The following DLEU7 variants were observed in gnomAD, a reference collection of about 807,000 sequenced individuals.
DLEU7 encodes the protein deleted in lymphocytic leukemia 7.
In DLEU7, 17 loss-of-function variants were observed where a neutral mutation model predicts 16.0. The observed-to-expected ratio is 1.06, with a 90% CI of 0.73 to 1.59. The LOEUF (loss-of-function observed/expected upper bound fraction) is 1.59. DLEU7 is among the 40% of genes most tolerant of loss of function. The probability of loss-of-function intolerance (pLI) is 0.00; values close to 1 mark genes in which losing one functional copy is unlikely to be tolerated. For synonymous variants in DLEU7, 113 were observed against 139.8 expected, an observed-to-expected ratio of 0.81 and a Z score of 1.35; for missense variants, 308 against 314.9, an observed-to-expected ratio of 0.98 and a Z score of 0.17.
Position 50,843,518 on chromosome 13 carries a change from TGGGTCCCGC to T in DLEU7, c.120_128del (p.Arg41_Pro43del). 7.0e-7 allele frequency: 1 copy of T among 1,422,344 alleles called. No homozygotes were observed. Among genetic ancestry groups the T allele is most frequent in the Non-Finnish European group, 9.1e-7 (1 of 1,098,892 alleles). 88.1% of individuals were successfully genotyped at this position (1,422,344 alleles called of 1,614,324 possible). A position where few individuals can be genotyped will look rare whatever the true frequency, so the allele number is the denominator to read the frequency against. On this transcript the variant is annotated inframe_deletion, in exon 1 of 2. Coordinates refer to ENST00000504404, the MANE Select transcript of DLEU7 (RefSeq NM_001306135.2). This position sits in a 1 kb window ranked among gnomAD's most constrained non-coding sequence, Gnocchi z 5.7. ...GGGCTGGAGCGGTGGACACGTGGTC[TGGGTCCCGC>T]GGGTTCCCGGGGGCGACTGGACCGT... is the stretch of plus-strand genomic sequence containing the variant.
At chr13:50,743,837 A>G (rs1230401784) in intron 1 of DLEU7, among the ~76,000 whole-genome samples, 1 of 152,178 alleles carries the variant, frequency 6.6e-6, no homozygotes, top group Non-Finnish European at 1.5e-5. Context: ...TACAAAAATC[A>G]ATAAAGTTTC....
intron 1 of DLEU7, among the ~76,000 whole-genome samples, chr13:50,773,814 A>T (rs1466648895): frequency 1.3e-5 from 2 of 152,252 alleles, no homozygotes; most frequent in Non-Finnish European, 2.9e-5. Context: ...CAGAGCTGTC[A>T]GACAGGGACA....
intron 1 of DLEU7, among the ~76,000 whole-genome samples, chr13:50,759,953 T>C (rs1001914900): frequency 1.3e-5 from 2 of 152,186 alleles, no homozygotes; most frequent in African/African-American, 4.8e-5. Context: ...TACTATTCCT[T>C]GGATAGTGAC....
At chr13:50,722,128 C>T (rs1268150211) in intron 1 of DLEU7, among the ~76,000 whole-genome samples, 1 of 152,198 alleles carries the variant, frequency 6.6e-6, no homozygotes, top group Non-Finnish European at 1.5e-5. Context: ...TGCCACGTAA[C>T]TTTGCAGTGT....
At chr13:50,723,709 C>T (rs1173151126) in intron 1 of DLEU7, among the ~76,000 whole-genome samples, 1 of 151,978 alleles carries the variant, frequency 6.6e-6, no homozygotes, top group African/African-American at 2.4e-5. Context: ...ACCCTCAAAA[C>T]CTCGTCTAAG....
At chr13:50,790,777 C>T (rs1484214748) in intron 1 of DLEU7, among the ~76,000 whole-genome samples, 1 of 152,136 alleles carries the variant, frequency 6.6e-6, no homozygotes, top group Non-Finnish European at 1.5e-5. Flanking sequence ...AGTCAGGCTT[C>T]CTGTAGAGAT....
intron 1 of DLEU7, among the ~76,000 whole-genome samples, chr13:50,758,374 C>T (rs1458026508): frequency 7.0e-6 from 1 of 142,428 alleles, no homozygotes; most frequent in East Asian, 2.0e-4. Context: ...GTCCTTATTT[C>T]ACTCTTGTAT....
chr13:50,796,483 C>T (rs1187135158), intron 1 of DLEU7, among the ~76,000 whole-genome samples: 2 of 152,170 alleles, frequency 1.3e-5, no homozygotes, highest in Non-Finnish European at 2.9e-5. Flanking sequence ...TTTCATCATG[C>T]TACCAGAATG....
intron 1 of DLEU7, among the ~76,000 whole-genome samples, chr13:50,810,625 C>T (rs781571922): frequency 2.6e-5 from 4 of 151,996 alleles, no homozygotes; most frequent in African/African-American, 4.8e-5. Flanking sequence ...GAAAGGCCAC[C>T]GGGAATGTCT....
At chr13:50,822,890 CTCAT>C (rs1225376431), downstream of DLEU7, 22 of 988,430 alleles carry the variant, frequency 2.2e-5, no homozygotes, top group Non-Finnish European at 2.5e-5. Context: ...TATCAAATAT[CTCAT>C]TCATTCAAGG....
At chr13:50,788,495 G>A (rs687439) in intron 1 of DLEU7, among the ~76,000 whole-genome samples, 39,510 of 151,966 alleles carry the variant, frequency 0.26, 6,055 homozygotes, top group African/African-American at 0.42. Context: ...CCTCATTGTC[G>A]AGGACACTCT....
intron 1 of DLEU7, among the ~76,000 whole-genome samples, chr13:50,773,690 C>T (rs886716330): frequency 1.3e-5 from 2 of 152,134 alleles, no homozygotes; most frequent in Non-Finnish European, 2.9e-5. Flanking sequence ...TCAGTGGGCA[C>T]CTACTGGGAG....
intron 1 of DLEU7, among the ~76,000 whole-genome samples, chr13:50,757,080 C>T (rs1874783806): frequency 6.6e-6 from 1 of 152,172 alleles, no homozygotes; most frequent in African/African-American, 2.4e-5. Flanking sequence ...CAGTGTCTTC[C>T]AGGTCCTGCA....
intron 1 of DLEU7, among the ~76,000 whole-genome samples, chr13:50,767,469 A>C (rs1327176775): frequency 1.3e-5 from 2 of 151,586 alleles, no homozygotes; most frequent in Non-Finnish European, 2.9e-5. Flanking sequence ...AAAAAAAAAA[A>C]AAAAAAAAAC....
rs115174742 is a variant in DLEU7, at chr13:50,781,361, C to T, written c.459+61827G>A. 2.5e-3 allele frequency among the ~76,000 whole-genome samples: 383 copies of T among 152,300 alleles called. 2 individuals are homozygous for T. Among genetic ancestry groups the T allele is most frequent in the African/African-American group, 8.7e-3 (362 of 41,564 alleles). On this transcript the variant is annotated intron_variant, in intron 1 of 1. Transcript: ENST00000400393. ...GAAATGCTGTCATCACATGTCACTT[C>T]GCCTCTGGAAAACTCCACTGTATAC...
At chr13:50,836,286 A>C (rs1877458053) in intron 1 of DLEU7, among the ~76,000 whole-genome samples, 1 of 152,166 alleles carries the variant, frequency 6.6e-6, no homozygotes, top group Admixed American at 6.5e-5. Flanking sequence ...CACGAAGGAA[A>C]GAGATGGAGA....
intron 1 of DLEU7, among the ~76,000 whole-genome samples, chr13:50,803,299 A>G (rs943653934): frequency 2.6e-5 from 4 of 152,190 alleles, no homozygotes; most frequent in African/African-American, 7.2e-5. Flanking sequence ...ATCATTGTCA[A>G]TCTGATGTGA....
chr13:50,771,686 C>T (rs1250925301), intron 1 of DLEU7, among the ~76,000 whole-genome samples: 1 of 152,080 alleles, frequency 6.6e-6, no homozygotes, highest in Non-Finnish European at 1.5e-5. Flanking sequence ...ACTTCCAACT[C>T]TGTGGTCAAT....
At chr13:50,767,528 C>A (rs1463595332) in intron 1 of DLEU7, among the ~76,000 whole-genome samples, 1 of 151,138 alleles carries the variant, frequency 6.6e-6, no homozygotes, top group East Asian at 2.0e-4. Flanking sequence ...TCAGGCTTAC[C>A]ATGCTCAAGA....
Sources: gnomAD v4.1 joint callset for allele counts (sites outside exome capture counted in the v4.1 genomes callset) on GRCh38, gnomAD v4.1.1 for gene constraint, Gnocchi (gnomAD v3.1) non-coding constraint, MANE v1.5 for transcripts, NCBI Gene and HGNC (gene_info 2026-07-23, HGNC 2026-07-21) for gene names.